Variants in RBFOX1 observed in about 807,000 individuals in gnomAD.
RBFOX1 encodes RNA binding protein fox-1 homolog 1.
Under a neutral mutation model 57.7 loss-of-function variants are expected in RBFOX1, and 8 were observed. The observed-to-expected ratio is 0.14, with a 90% CI of 0.08 to 0.25. RBFOX1 has a LOEUF of 0.25. Ranked by LOEUF, RBFOX1 falls within the 10% of genes least tolerant of loss-of-function variation. RBFOX1 has a pLI of 1.00. For missense variants in RBFOX1, 611 were observed against 548.5 expected (o/e 1.11, Z -1.14); for synonymous variants, 326 against 222.4 (o/e 1.47, Z -4.15).
chr16:7,037,717 C>G (rs1385879236), intron 3 of RBFOX1, among the ~76,000 whole-genome samples: 2 of 152,136 alleles, frequency 1.3e-5, no homozygotes, highest in Non-Finnish European at 2.9e-5. Context: ...TAGACCCAGG[C>G]AAGGAATTTG....
chr16:5,317,082 C>T (rs1261629607), intron 1 of RBFOX1, among the ~76,000 whole-genome samples: 1 of 152,150 alleles, frequency 6.6e-6, no homozygotes, highest in East Asian at 1.9e-4. Flanking sequence ...GGCCTTTGGA[C>T]TTGGACTGAG....
chr16:7,415,740 A>G (rs1175064891), intron 4 of RBFOX1, among the ~76,000 whole-genome samples: 2 of 152,112 alleles, frequency 1.3e-5, no homozygotes, highest in East Asian at 1.9e-4. Context: ...CTACCCAGCA[A>G]TGGTTACGTT....
intron 2 of RBFOX1, among the ~76,000 whole-genome samples, chr16:6,511,835 G>A (rs940838050): frequency 1.3e-5 from 2 of 152,156 alleles, no homozygotes; most frequent in Non-Finnish European, 2.9e-5. Context: ...TGAAGTCACG[G>A]CTTTCTTCTT....
At chr16:6,540,640 C>G (rs1354531593) in intron 2 of RBFOX1, among the ~76,000 whole-genome samples, 1 of 138,714 alleles carries the variant, frequency 7.2e-6, no homozygotes, top group Admixed American at 7.3e-5. Flanking sequence ...AAAAAAAAAC[C>G]TCAAGTCAGT....
At chr16:7,268,616 T>A (rs887950342) in intron 4 of RBFOX1, among the ~76,000 whole-genome samples, 6 of 152,318 alleles carry the variant, frequency 3.9e-5, no homozygotes, top group African/African-American at 1.4e-4. Flanking sequence ...CCAAGTTGTC[T>A]TGTGATTATT....
chr16:7,316,987 A>ACACACACAAAC (rs1568178930), intron 4 of RBFOX1, among the ~76,000 whole-genome samples: 1 of 45,858 alleles, frequency 2.2e-5, no homozygotes, highest in South Asian at 8.4e-4. Flanking sequence ...CACACACACA[A>ACACACACAAAC]ACACACACAC....
At chr16:7,586,491 A>G (rs996192856) in intron 6 of RBFOX1, among the ~76,000 whole-genome samples, 2 of 152,336 alleles carry the variant, frequency 1.3e-5, no homozygotes, top group Middle Eastern at 3.4e-3. Context: ...ATAAACCACA[A>G]GTATTAAGTA....
chr16:6,111,761 G>T (rs77816492), intron 1 of RBFOX1, among the ~76,000 whole-genome samples: 1 of 152,276 alleles, frequency 6.6e-6, no homozygotes, highest in African/African-American at 2.4e-5. Flanking sequence ...AAAATTGTTT[G>T]GGTATAGGTA....
At chr16:7,577,445 C>G (rs1200635341) in intron 5 of RBFOX1, among the ~76,000 whole-genome samples, 1 of 152,212 alleles carries the variant, frequency 6.6e-6, no homozygotes, top group Admixed American at 6.5e-5. Flanking sequence ...ACATGCACTG[C>G]CCTGTCTTGG....
chr16:6,639,167 T>G (rs868620155), intron 2 of RBFOX1, among the ~76,000 whole-genome samples: 5 of 152,360 alleles, frequency 3.3e-5, no homozygotes, highest in African/African-American at 7.2e-5. Context: ...TCAAATCATG[T>G]GCGCTAGCTC....
At chr16:7,397,929 CT>C (rs1275862788) in intron 4 of RBFOX1, among the ~76,000 whole-genome samples, 7 of 152,114 alleles carry the variant, frequency 4.6e-5, no homozygotes, top group Non-Finnish European at 8.8e-5. Context: ...CTACTTGGCT[CT>C]TAAATTTCTC....
intron 3 of RBFOX1, among the ~76,000 whole-genome samples, chr16:5,684,506 G>T (rs150953134): frequency 7.9e-5 from 12 of 152,264 alleles, no homozygotes; most frequent in African/African-American, 2.9e-4. Flanking sequence ...TTGTGTGTGT[G>T]TCTGTTTTCT....
intron 3 of RBFOX1, among the ~76,000 whole-genome samples, chr16:5,765,316 C>G (rs2053737113): frequency 6.6e-6 from 1 of 152,130 alleles, no homozygotes; most frequent in South Asian, 2.1e-4. Context: ...TATAAAAGGT[C>G]AAGTTCAATC....
chr16:6,142,770 ACTT>A (rs1169889789), intron 1 of RBFOX1, among the ~76,000 whole-genome samples: 3 of 152,062 alleles, frequency 2.0e-5, no homozygotes, highest in Non-Finnish European at 4.4e-5. Flanking sequence ...CATATTTTCC[ACTT>A]CTTCTCACTT....
chr16:5,552,763 G>A (rs2045513851), intron 2 of RBFOX1, among the ~76,000 whole-genome samples: 1 of 152,110 alleles, frequency 6.6e-6, no homozygotes, highest in South Asian at 2.1e-4. Flanking sequence ...CCTTTGCTCT[G>A]ATCACAGTCA....
chr16:6,839,847 C>G (rs75847364), intron 3 of RBFOX1, among the ~76,000 whole-genome samples: 1 of 152,150 alleles, frequency 6.6e-6, no homozygotes, highest in African/African-American at 2.4e-5. Context: ...TACCTCTGTT[C>G]TTACGTGATA....
intron 2 of RBFOX1, among the ~76,000 whole-genome samples, chr16:5,505,020 G>A (rs995173180): frequency 2.0e-5 from 3 of 152,208 alleles, no homozygotes; most frequent in Admixed American, 1.3e-4. Context: ...AGTGATGAAC[G>A]TGTTCTAAAG....
intron 4 of RBFOX1, among the ~76,000 whole-genome samples, chr16:6,003,594 G>T: frequency 6.6e-6 from 1 of 151,896 alleles, no homozygotes; most frequent in African/African-American, 2.4e-5. Flanking sequence ...TAAATACAGC[G>T]ACAGCTTCCT....
chr16:6,585,144 G>A (rs1246271454), intron 2 of RBFOX1, among the ~76,000 whole-genome samples: 1 of 152,080 alleles, frequency 6.6e-6, no homozygotes, highest in Admixed American at 6.6e-5. Flanking sequence ...CTCATGCAAA[G>A]AAAAAAATTA....
Sources: allele counts gnomAD v4.1 joint callset (sites outside exome capture counted in the v4.1 genomes callset), GRCh38; gene constraint gnomAD v4.1.1; transcripts MANE v1.5; gene names NCBI Gene and HGNC (gene_info 2026-07-23, HGNC 2026-07-21).